The following CDH2 variants were observed in gnomAD, a reference collection of about 807,000 sequenced individuals.
The protein encoded by CDH2 is cadherin-2.
CDH2 carries 17 observed loss-of-function variants against 92.0 expected under a neutral mutation model. That is an observed-to-expected ratio of 0.18 (90% CI 0.13 to 0.28). The LOEUF (loss-of-function observed/expected upper bound fraction) is 0.28. Ranked by LOEUF, CDH2 falls within the 10% of genes least tolerant of loss-of-function variation. The pLI, the probability that CDH2 is intolerant of heterozygous loss-of-function variation, is 1.00. For synonymous variants in CDH2, 419 were observed against 415.9 expected (o/e 1.01, Z -0.09); for missense variants, 862 against 1,133.1 (o/e 0.76, Z 3.44).
chr18:28,153,409 T>C (rs930603003), intron 1 of CDH2, among the ~76,000 whole-genome samples: 8 of 152,340 alleles, frequency 5.3e-5, no homozygotes, highest in Admixed American at 5.2e-4. Context: ...GCTTTAGTCA[T>C]TCCTTCCAGC....
At chr18:28,022,894 C>T (rs947211124) in intron 2 of CDH2, among the ~76,000 whole-genome samples, 1 of 151,858 alleles carries the variant, frequency 6.6e-6, no homozygotes, top group African/African-American at 2.4e-5. Flanking sequence ...ATGGCCTTTG[C>T]AATTTTCAAT....
chr18:27,988,189 A>G (rs1164512523), intron 11 of CDH2, among the ~76,000 whole-genome samples: 1 of 152,208 alleles, frequency 6.6e-6, no homozygotes, highest in Non-Finnish European at 1.5e-5. Flanking sequence ...ATGAAAGGCA[A>G]CAGAGTGACT....
chr18:27,938,385 T>A (rs1424652894), intron 6 of CDH2, among the ~76,000 whole-genome samples: 2 of 152,210 alleles, frequency 1.3e-5, no homozygotes, highest in Non-Finnish European at 2.9e-5. Context: ...ATTGAATATA[T>A]AATTTGAATA....
Position 28,131,399 on chromosome 18 carries a change from C to G in CDH2, c.172+16274G>C, listed in dbSNP as rs559107411. Among the ~76,000 whole-genome samples, 4 of 152,232 alleles carry G rather than the reference C, an allele frequency of 2.6e-5. No homozygotes were observed. The South Asian group carries it at 8.3e-4, about 32-fold the overall frequency. ...GTAAAGAGGTAGCGAGATCTCAGTG[C>G]AAGCTCATCATGGGTTTTAATTGAC... On this transcript the variant is annotated intron_variant, in intron 2 of 15. Transcript: ENST00000269141.
chr18:28,067,071 A>G (rs2144158618), intron 2 of CDH2, among the ~76,000 whole-genome samples: 1 of 152,254 alleles, frequency 6.6e-6, no homozygotes, highest in Middle Eastern at 3.4e-3. Context: ...CTTCCTGGTA[A>G]TTAGCAGCTT....
intron 6 of CDH2, among the ~76,000 whole-genome samples, chr18:27,940,360 T>C (rs2143833585): frequency 6.6e-6 from 1 of 152,252 alleles, no homozygotes; most frequent in East Asian, 1.9e-4. Flanking sequence ...GGTATATTGG[T>C]GTGGGAGCCA....
At chr18:28,059,799 T>C (rs1313004431) in intron 2 of CDH2, among the ~76,000 whole-genome samples, 2 of 152,248 alleles carry the variant, frequency 1.3e-5, no homozygotes, top group Non-Finnish European at 2.9e-5. Flanking sequence ...AACACACACA[T>C]ACACATTTGT....
Position 28,095,822 on chromosome 18 carries a change from A to G in CDH2, c.172+51851T>C, listed in dbSNP as rs960088325. ...GCAACTCCATCAAAAAAAAAAAAAAAAAAGAAAGAAAAGAGAATTACCACA... is the reference window on the plus strand; with the variant it reads ...GCAACTCCATCAAAAAAAAAAAAAAGAAAGAAAGAAAAGAGAATTACCACA... On this transcript the variant is annotated intron_variant, in intron 2 of 15. Transcript: ENST00000269141. Among the ~76,000 whole-genome samples, 692 of 147,168 alleles carry G rather than the reference A, an allele frequency of 4.7e-3. 8 individuals are homozygous for G. The highest frequency in any genetic ancestry group is 6.4e-3 in the Non-Finnish European group (424 of 66,238).
At chr18:27,985,796 C>T in intron 11 of CDH2, 35 bp from the exon 12 acceptor site, 1 of 1,224,284 alleles carries the variant, frequency 8.2e-7, no homozygotes, top group Non-Finnish European at 1.2e-6. Context: ...TGATGCTGAA[C>T]AGTTCTCTCC....
intron 2 of CDH2, among the ~76,000 whole-genome samples, chr18:28,047,744 C>T (rs1415195133): frequency 2.0e-5 from 3 of 151,636 alleles, no homozygotes; most frequent in East Asian, 3.9e-4. Flanking sequence ...TGGCGGGTGC[C>T]TGTAGTCCCA....
At chr18:28,166,232 C>T (rs78683587) in intron 1 of CDH2, among the ~76,000 whole-genome samples, 2,692 of 142,046 alleles carry the variant, frequency 0.019, 34 homozygotes, top group Non-Finnish European at 0.027. Context: ...ACAATCTTGA[C>T]AGTATCTATT....
At chr18:28,036,694 C>CAAAACAGAG in intron 2 of CDH2, 2 of 637,650 alleles carry the variant, frequency 3.1e-6, no homozygotes, top group Non-Finnish European at 5.5e-6. Flanking sequence ...TGACCGTCAG[C>CAAAACAGAG]AAAACAGAGA....
intron 2 of CDH2, among the ~76,000 whole-genome samples, chr18:28,102,876 G>A (rs190981689): frequency 3.0e-4 from 45 of 151,386 alleles, no homozygotes; most frequent in African/African-American, 1.0e-3. Flanking sequence ...AAATATCTAG[G>A]AATCCCTAAC....
At chr18:27,990,463 T>C (rs1436022575) in intron 9 of CDH2, 113 bp from the exon 10 acceptor site, 4 of 944,096 alleles carry the variant, frequency 4.2e-6, no homozygotes, top group Non-Finnish European at 6.2e-6. Context: ...ATTCACTACA[T>C]AACAAGGTTC....
At chr18:28,091,233 T>G (rs1047074672) in intron 2 of CDH2, among the ~76,000 whole-genome samples, 1 of 152,214 alleles carries the variant, frequency 6.6e-6, no homozygotes, top group African/African-American at 2.4e-5. Flanking sequence ...CAAACCAACT[T>G]GAGAGCAAAG....
At chr18:28,030,742 A>T (rs554772441) in intron 2 of CDH2, among the ~76,000 whole-genome samples, 7 of 152,156 alleles carry the variant, frequency 4.6e-5, no homozygotes, top group Admixed American at 2.0e-4. Flanking sequence ...GGCAGAATGA[A>T]AGAGAGATGA....
At chr18:28,011,510 A>G (rs1339942421) in intron 4 of CDH2, among the ~76,000 whole-genome samples, 16 of 152,192 alleles carry the variant, frequency 1.1e-4, no homozygotes, top group Non-Finnish European at 4.4e-5. Flanking sequence ...CCCAGCTTTC[A>G]GACAGGGAAG....
chr18:28,027,614 T>G (rs1440198321), intron 2 of CDH2, among the ~76,000 whole-genome samples: 2 of 152,304 alleles, frequency 1.3e-5, no homozygotes, highest in East Asian at 1.9e-4. Flanking sequence ...AGTAGTCTAG[T>G]AATGCTATGC....
intron 5 of CDH2, among the ~76,000 whole-genome samples, chr18:28,007,164 A>G (rs2012950931): frequency 3.0e-5 from 4 of 132,178 alleles, no homozygotes; most frequent in Admixed American, 3.0e-4. Context: ...CATAAAAAAA[A>G]AATATATATA....
Sources: allele counts gnomAD v4.1 joint callset (sites outside exome capture counted in the v4.1 genomes callset), GRCh38; gene constraint gnomAD v4.1.1; transcripts MANE v1.5; gene names NCBI Gene and HGNC (gene_info 2026-07-23, HGNC 2026-07-21).